The following MPHOSPH8 variants were observed in gnomAD, a reference collection of about 807,000 sequenced individuals.
The protein encoded by MPHOSPH8 is M-phase phosphoprotein, mpp.
A neutral mutation model predicts 87.3 loss-of-function variants in MPHOSPH8; 45 were observed. The ratio of observed to expected loss-of-function variants is 0.52; its 90% confidence interval spans 0.41 to 0.66. MPHOSPH8 has a LOEUF of 0.66. MPHOSPH8 is among the 30% of genes least tolerant of loss of function. The pLI is 0.00. For synonymous variants in MPHOSPH8, 366 were observed against 376.9 expected (o/e 0.97, Z 0.33); for missense variants, 883 against 1,020.2 (o/e 0.87, Z 1.83).
At chr13:19,658,648 G>GT (rs2137530967) in intron 5 of MPHOSPH8, among the ~76,000 whole-genome samples, 1 of 152,332 alleles carries the variant, frequency 6.6e-6, no homozygotes, top group South Asian at 2.1e-4. Flanking sequence ...GAAGAATGGT[G>GT]TAAGGGAGAA....
At chr13:19,636,367 ATAAT>A (rs1874008668) in intron 1 of MPHOSPH8, among the ~76,000 whole-genome samples, 1 of 152,254 alleles carries the variant, frequency 6.6e-6, no homozygotes, top group African/African-American at 2.4e-5. Flanking sequence ...ATATGTATGA[ATAAT>A]TAACATAAGA....
chr13:19,658,318 T>A lies in MPHOSPH8; in HGVS notation c.1577-677T>A, dbSNP rs142507833. On this transcript the variant is annotated intron_variant, in intron 5 of 13. Transcript: ENST00000361479. ...CCATCAAGTAGTTCTGTTTTTCACTTGTAAAAAAAGCACAAAACCATTGTG... is the reference window on the plus strand; with the variant it reads ...CCATCAAGTAGTTCTGTTTTTCACTAGTAAAAAAAGCACAAAACCATTGTG... Among the ~76,000 whole-genome samples, 71 of 152,372 alleles carry A rather than the reference T, an allele frequency of 4.7e-4. 1 individual carries two copies. Among genetic ancestry groups the A allele is most frequent in the Admixed American group, 4.0e-3 (62 of 15,310 alleles).
At position 19,649,989 on chromosome 13, in the gene MPHOSPH8, A is replaced by G; in HGVS notation, c.1319-14A>G. On this transcript the variant is annotated splice_polypyrimidine_tract_variant and intron_variant, in intron 4 of 13. Transcript: ENST00000361479. The stretch of plus-strand genomic sequence containing the variant: ...TGACTCATACTTAACCATCTATTTT[A>G]ATTTTTTCGTTAGCACTTAAGGAAA... 1.9e-6 allele frequency: 3 copies of G among 1,542,588 alleles called. No individual in the cohort carries two copies. Among genetic ancestry groups the G allele is most frequent in the Non-Finnish European group, 2.6e-6 (3 of 1,140,472 alleles).
chr13:19,666,526 G>A lies in MPHOSPH8; in HGVS notation c.2121G>A (p.Ala707=), dbSNP rs527737295. The change falls in exon 10 of 14, where the codon GCG becomes GCA. Residue 707 remains alanine, a synonymous_variant. Transcript: ENST00000361479. The stretch of plus-strand genomic sequence containing the variant: ...ACCAGAATAGTGCCCTGCACTTTGC[G>A]AAGCAGTCTAACAATGTGCTTGTGT... ...SKHQNSALHF[A]KQSNNVLVYD... The A allele has an allele frequency of 1.4e-5, 23 of 1,605,864 alleles. No individual in the cohort carries two copies. Among genetic ancestry groups the A allele is most frequent in the African/African-American group, 2.7e-5 (2 of 74,982 alleles).
At chr13:19,634,957 A>G (rs779480205) in intron 1 of MPHOSPH8, among the ~76,000 whole-genome samples, 2 of 152,220 alleles carry the variant, frequency 1.3e-5, no homozygotes, top group African/African-American at 2.4e-5. Context: ...CAACTACTGT[A>G]TGCCAGGTGC....
At chr13:19,635,535 A>T (rs879910538) in intron 1 of MPHOSPH8, among the ~76,000 whole-genome samples, 1 of 152,144 alleles carries the variant, frequency 6.6e-6, no homozygotes, top group African/African-American at 2.4e-5. Flanking sequence ...CTCAAAAAAA[A>T]TAATAATAAT....
rs1565946981 is a variant in MPHOSPH8 at position 19,673,086 on chromosome 13, CGG to C, written c.*1212_*1213del. ...AAAAAAAAGTTTCTTGGAACCTATACGGTTTTTTTTTGTTTTTTTTTTTTGAA... is the reference window on the plus strand; with the variant it reads ...AAAAAAAAGTTTCTTGGAACCTATACTTTTTTTTTGTTTTTTTTTTTTGAA... On this transcript the variant is annotated 3_prime_UTR_variant, in exon 14 of 14. Transcript: ENST00000361479. 9.3e-6 allele frequency: 4 copies of C among 432,124 alleles called. No individual in the cohort carries two copies. The highest frequency in any genetic ancestry group is 3.4e-4 in the Middle Eastern group (1 of 2,980). The allele number at this position is 432,124 out of a possible 1,614,324, so 26.8% of individuals were successfully genotyped here.
chr13:19,649,506 A>G (rs1158288362), intron 4 of MPHOSPH8, among the ~76,000 whole-genome samples: 1 of 152,156 alleles, frequency 6.6e-6, no homozygotes, highest in Non-Finnish European at 1.5e-5. Context: ...AGTACCTGCC[A>G]GTTTTCTTCC....
intron 12 of MPHOSPH8, chr13:19,670,845 G>T (rs968302551): frequency 2.4e-5 from 28 of 1,151,700 alleles, no homozygotes; most frequent in Non-Finnish European, 3.0e-5. Flanking sequence ...TGAAGACAGG[G>T]TCTCGCTCTG....
Position 19,672,870 on chromosome 13 carries a change from T to TG in MPHOSPH8, c.*997dup. On this transcript the variant is annotated 3_prime_UTR_variant, in exon 14 of 14. Coordinates refer to ENST00000361479, the MANE Select transcript of MPHOSPH8 (RefSeq NM_017520.4). ...ATCCCAGCGCTTTGGAGGCTGAGGT[T>TG]GGAGGATTGCTTAAGTCCAGGAGTT... is the stretch of plus-strand genomic sequence containing the variant. The TG allele has an allele frequency of 2.9e-6, 1 of 344,738 alleles. No individual in the cohort carries two copies. Among genetic ancestry groups the TG allele is most frequent in the Non-Finnish European group, 5.7e-6 (1 of 176,474 alleles). 21.4% of individuals were successfully genotyped at this position (344,738 alleles called of 1,614,324 possible).
Position 19,673,160 on chromosome 13 carries a change from G to T in MPHOSPH8, c.*1285G>T. ...TTTTGAACACCGACTGGGAAGATGG[G>T]GCTTAGGTAACAGCCAAACCTGGCT... On this transcript the variant is annotated 3_prime_UTR_variant, in exon 14 of 14. Transcript: ENST00000361479. The T allele has an allele frequency of 2.2e-6, 1 of 450,790 alleles. No homozygotes were observed. The highest frequency in any genetic ancestry group is 1.6e-5 in the South Asian group (1 of 63,816). 27.9% of individuals were successfully genotyped at this position (450,790 alleles called of 1,614,324 possible). A position where few individuals can be genotyped will look rare whatever the true frequency, so the allele number is the denominator to read the frequency against.
chr13:19,666,327 C>T, intron 9 of MPHOSPH8, 98 bp from the exon 10 acceptor site: 2 of 1,283,746 alleles, frequency 1.6e-6, no homozygotes, highest in Non-Finnish European at 2.1e-6. Context: ...GGCCTGTGCC[C>T]TCTCTTCACA....
At chr13:19,636,390 AATAC>A (rs1384056426) in intron 1 of MPHOSPH8, among the ~76,000 whole-genome samples, 1 of 152,276 alleles carries the variant, frequency 6.6e-6, no homozygotes, top group African/African-American at 2.4e-5. Context: ...GAACTGTGGA[AATAC>A]ATACATACAC....
intron 13 of MPHOSPH8, among the ~76,000 whole-genome samples, chr13:19,671,558 G>A (rs1399878361): frequency 6.6e-6 from 1 of 152,192 alleles, no homozygotes; most frequent in East Asian, 1.9e-4. Context: ...TTGGTATGGA[G>A]TTGCCAAATG....
At chr13:19,638,857 C>CG (rs1306787253) in intron 1 of MPHOSPH8, among the ~76,000 whole-genome samples, 1 of 151,596 alleles carries the variant, frequency 6.6e-6, no homozygotes, top group East Asian at 2.0e-4. Context: ...ATGGTGCTAG[C>CG]GGATCTCTTG....
At position 19,646,892 on chromosome 13, in the gene MPHOSPH8, CT is replaced by C. The variant is rs749766447; in HGVS notation, c.822del (p.Pro275GlnfsTer40). ...AATCAAGTGTACTTAATGATTCTCC[CT>C]TTCCAGAGGATGACAGTGAAGGGCT... ...SESSVLNDSP[F>X]PEDDSEGLHS... On this transcript the variant is annotated frameshift_variant, in exon 3 of 14. Coordinates refer to ENST00000361479, the MANE Select transcript of MPHOSPH8 (RefSeq NM_017520.4). LOFTEE classifies it high-confidence loss of function. 6.2e-7 allele frequency: 1 copy of C among 1,603,804 alleles called. No individual in the cohort carries two copies. Among genetic ancestry groups the C allele is most frequent in the South Asian group, 1.1e-5 (1 of 88,254 alleles).
chr13:19,670,850 G>A (rs921473605), intron 12 of MPHOSPH8: 18 of 1,141,286 alleles, frequency 1.6e-5, no homozygotes, highest in African/African-American at 6.7e-5. Context: ...ACAGGGTCTC[G>A]CTCTGTTGTC....
rs983827905 is a variant in MPHOSPH8, at chr13:19,642,405, A to G, written c.369+135A>G. The G allele has an allele frequency of 5.1e-5, 37 of 722,648 alleles. No homozygotes were observed. The African/African-American group carries it at 5.2e-4, about 10-fold the overall frequency. 44.8% of individuals were successfully genotyped at this position (722,648 alleles called of 1,614,324 possible). On this transcript the variant is annotated intron_variant, in intron 2 of 13. Coordinates refer to ENST00000361479, the MANE Select transcript of MPHOSPH8 (RefSeq NM_017520.4). ...CTTTAGTGTAAATTCCATGTAGCCA[A>G]TTCTCACAGACTGCTTTCAGTGATT...
intron 8 of MPHOSPH8, 73 bp downstream of exon 8, chr13:19,661,911 G>C: frequency 6.8e-7 from 1 of 1,478,024 alleles, no homozygotes; most frequent in African/African-American, 1.4e-5. Flanking sequence ...GGATCTCTTT[G>C]GTAGTGAAAT....
Sources: allele counts gnomAD v4.1 joint callset (sites outside exome capture counted in the v4.1 genomes callset), GRCh38; gene constraint gnomAD v4.1.1; transcripts MANE v1.5; gene names NCBI Gene and HGNC (gene_info 2026-07-23, HGNC 2026-07-21).